The following ACTR8 variants were observed in gnomAD, a reference collection of about 807,000 sequenced individuals.
The protein encoded by ACTR8 is actin related protein 8, also known as actin-related protein 8.
In ACTR8, 70 loss-of-function variants were observed where a neutral mutation model predicts 84.3. The observed-to-expected ratio is 0.83, with a 90% CI of 0.68 to 1.01. ACTR8 has a LOEUF of 1.01. ACTR8 is among the 50% of genes least tolerant of loss of function. The pLI is 0.00. For synonymous variants in ACTR8, 268 were observed against 275.2 expected, an observed-to-expected ratio of 0.97 and a Z score of 0.26; for missense variants, 672 against 775.4, an observed-to-expected ratio of 0.87 and a Z score of 1.58.
At chr3:53,872,882 T>C (rs1699908487) in intron 9 of ACTR8, 150 bp downstream of exon 9, 2 of 647,412 alleles carry the variant, frequency 3.1e-6, no homozygotes, top group Admixed American at 2.6e-5. Flanking sequence ...TTCTAGTCTA[T>C]ACCAGTGGCT....
At chr3:53,860,061 C>A in the ACTR8 span, 13 of 1,046,570 alleles carry the variant, frequency 1.2e-5, no homozygotes, top group African/African-American at 8.0e-5. Flanking sequence ...TATACCAAGT[C>A]TTAGTTTTTA....
Position 53,871,646 on chromosome 3 carries a change from T to C in ACTR8, c.1303-150A>G, listed in dbSNP as rs1190420765. The C allele has an allele frequency of 6.6e-6, 6 of 910,790 alleles. No homozygotes were observed. The African/African-American group carries it at 6.7e-5, about 10-fold the overall frequency. The allele number at this position is 910,790 out of a possible 1,614,324, so 56.4% of individuals were successfully genotyped here. On this transcript the variant is annotated intron_variant, in intron 10 of 12. Transcript: ENST00000335754. ...GCCCAGCACCCATTCCCAGGTAACT[T>C]AGGAATGAGAGACGGTGCACAGATG...
chr3:53,864,843 T>C (rs780016162), downstream of ACTR8: 13 of 1,614,192 alleles, frequency 8.1e-6, no homozygotes, highest in Non-Finnish European at 1.0e-5. Flanking sequence ...ATCACACAAT[T>C]TGTTACTTCA....
chr3:53,869,897 C>A, intron 12 of ACTR8, 85 bp downstream of exon 12: 2 of 1,504,006 alleles, frequency 1.3e-6, no homozygotes, highest in Non-Finnish European at 1.8e-6. Context: ...CAGACACAAG[C>A]CCATGCCTCC....
At chr3:53,860,359 T>G in the ACTR8 span, 3 of 641,444 alleles carry the variant, frequency 4.7e-6, no homozygotes, top group Non-Finnish European at 8.1e-6. Context: ...ATGTAATACC[T>G]TCAAGTGCTC....
rs920381619 is a variant in ACTR8 at position 53,872,951 on chromosome 3, C to T, written c.1161+81G>A. 3.5e-6 allele frequency: 4 copies of T among 1,129,144 alleles called. No homozygotes were observed. The African/African-American group carries it at 6.2e-5, about 17-fold the overall frequency. The allele number at this position is 1,129,144 out of a possible 1,614,324, so 69.9% of individuals were successfully genotyped here. A position where few individuals can be genotyped will look rare whatever the true frequency, so the allele number is the denominator to read the frequency against. On this transcript the variant is annotated intron_variant, in intron 9 of 12. Transcript: ENST00000335754. ...TTGACATTCTGATCTCACAATGTTTCCAGCAAGGGCATATTCTCTCAGTTT... is the reference window on the plus strand; with the variant it reads ...TTGACATTCTGATCTCACAATGTTTTCAGCAAGGGCATATTCTCTCAGTTT...
downstream of ACTR8, among the ~76,000 whole-genome samples, chr3:53,863,147 T>C (rs576724039): frequency 6.6e-6 from 1 of 152,228 alleles, no homozygotes; most frequent in Non-Finnish European, 1.5e-5. Flanking sequence ...ACACATAACA[T>C]GCAAAATATG....
At chr3:53,859,528 T>C in the ACTR8 span, 1 of 152,464 alleles carries the variant, frequency 6.6e-6, no homozygotes, top group Non-Finnish European at 1.5e-5. Context: ...GTGAGGCGGG[T>C]GGCACTATCC....
In ACTR8 at chr3:53,882,095, G is replaced by C. The variant is rs1252616149; in HGVS notation, c.7C>G (p.Gln3Glu). Residue 3 changes from glutamine (Q) to glutamate (E), a missense_variant, in exon 1 of 13, where the codon CAG (glutamine) becomes GAG (glutamate). Transcript: ENST00000335754. MTQAEKGDTENGK... is the reference protein window; with the variant it reads MTEAEKGDTENGK... ...TTCTCCGTATCACCCTTCTCAGCCT[G>C]GGTCATTATGGCCGGAGACACCCAC... The C allele has an allele frequency of 1.3e-6, 2 of 1,551,498 alleles. No individual in the cohort carries two copies. Among genetic ancestry groups the C allele is most frequent in the South Asian group, 1.2e-5 (1 of 84,064 alleles).
chr3:53,879,274 C>T (rs1430615717), intron 2 of ACTR8, among the ~76,000 whole-genome samples: 2 of 152,142 alleles, frequency 1.3e-5, no homozygotes, highest in Non-Finnish European at 2.9e-5. Flanking sequence ...ACTAGACTTA[C>T]GTAGAGTCTG....
chr3:53,873,011 A>C (rs1471024007), intron 9 of ACTR8, 21 bp downstream of exon 9: 2 of 1,568,824 alleles, frequency 1.3e-6, no homozygotes, highest in South Asian at 1.1e-5. Flanking sequence ...CTACCCATGG[A>C]AACAGATACC....
In ACTR8 at chr3:53,880,003, C is replaced by T. The variant is rs752053283; in HGVS notation, c.230G>A (p.Arg77Gln). 37 of 1,613,948 alleles carry T rather than the reference C, an allele frequency of 2.3e-5. No homozygotes were observed. The Middle Eastern group carries it at 6.6e-4, about 29-fold the overall frequency. The change falls in exon 2 of 13, where the codon CGA becomes CAA. Residue 77 changes from arginine to glutamine, a missense_variant. Arg to Gln is a conservative substitution (Grantham distance 43, BLOSUM62 1). Coordinates refer to ENST00000335754, the MANE Select transcript of ACTR8 (RefSeq NM_022899.5). ...LPASIPHVIA[R>Q]RHKQQGQPLY... ...GGGCTGCCCTTGTTGTTTGTGTCTT[C>T]GGGCAATGACGTGAGGAATGCTGGC...
chr3:53,860,350 T>C, the ACTR8 span: 5 of 692,004 alleles, frequency 7.2e-6, no homozygotes, highest in Admixed American at 2.5e-5. Flanking sequence ...ATAGCATTTA[T>C]GTAATACCTT....
intron 8 of ACTR8, among the ~76,000 whole-genome samples, chr3:53,873,925 C>T (rs371377108): frequency 1.0e-3 from 156 of 152,246 alleles, no homozygotes; most frequent in African/African-American, 3.4e-3. Flanking sequence ...TCCAGGTTCA[C>T]GCCATTCTCC....
downstream of ACTR8, among the ~76,000 whole-genome samples, chr3:53,862,399 T>C (rs537349463): frequency 2.5e-4 from 38 of 152,306 alleles, no homozygotes; most frequent in South Asian, 7.3e-3. Flanking sequence ...ATGCCATCAT[T>C]GTGACAGAGC....
intron 1 of ACTR8, 152 bp from the exon 2 acceptor site, chr3:53,880,261 C>T: frequency 1.3e-6 from 1 of 758,040 alleles, no homozygotes; most frequent in Non-Finnish European, 2.1e-6. Flanking sequence ...AATTACCGCT[C>T]TCTACCTAAA....
chr3:53,877,898 G>GACAAGAGA, intron 3 of ACTR8, 147 bp from the exon 4 acceptor site: 1 of 648,232 alleles, frequency 1.5e-6, no homozygotes, highest in Non-Finnish European at 2.6e-6. Context: ...GCTGCAAAAG[G>GACAAGAGA]ATTCTCTTGT....
In ACTR8 at chr3:53,879,992, GT is replaced by G; in HGVS notation, c.240del (p.Lys80AsnfsTer14). The G allele has an allele frequency of 6.2e-7, 1 of 1,614,172 alleles. No homozygotes were observed. The highest frequency in any genetic ancestry group is 8.5e-7 in the Non-Finnish European group (1 of 1,180,004). Reference protein sequence around the residue: ...SIPHVIARRHKQQGQPLYKDS... With the variant: ...SIPHVIARRHXQQGQPLYKDS... ...TCCTTGTATAGGGGCTGCCCTTGTT[GT>G]TTGTGTCTTCGGGCAATGACGTGAG... On this transcript the variant is annotated frameshift_variant, in exon 2 of 13. Transcript: ENST00000335754. LOFTEE classifies it high-confidence loss of function.
chr3:53,879,136 T>C (rs554572474), intron 2 of ACTR8, among the ~76,000 whole-genome samples: 8 of 152,366 alleles, frequency 5.3e-5, no homozygotes, highest in East Asian at 3.9e-4. Flanking sequence ...TGCCCATAAA[T>C]ATCTTTACAG....
Sources: allele counts gnomAD v4.1 joint callset (sites outside exome capture counted in the v4.1 genomes callset), GRCh38; gene constraint gnomAD v4.1.1; transcripts MANE v1.5; gene names NCBI Gene and HGNC (gene_info 2026-07-23, HGNC 2026-07-21).